The following NAXD variants were observed in gnomAD, a reference collection of about 807,000 sequenced individuals.
NAXD encodes the protein ATP-dependent (S)-NAD(P)H-hydrate dehydratase.
Under a neutral mutation model 35.8 loss-of-function variants are expected in NAXD, and 22 were observed. The ratio of observed to expected loss-of-function variants is 0.62; its 90% CI spans 0.44 to 0.88. The LOEUF (loss-of-function observed/expected upper bound fraction) is 0.88. Among genes scored for constraint, NAXD ranks in the 40% least tolerant of loss-of-function variants. NAXD has a pLI of 0.00. For missense variants in NAXD, 428 were observed against 437.7 expected (o/e 0.98, Z 0.20); for synonymous variants, 189 against 177.6 (o/e 1.06, Z -0.51).
At chr13:110,625,158 C>G (rs758467941) in intron 3 of NAXD, 32 bp from the exon 4 acceptor site, 1 of 1,564,072 alleles carries the variant, frequency 6.4e-7, no homozygotes, top group South Asian at 1.1e-5. Context: ...CCGGAGCGAT[C>G]CCTGAGTCGG....
At chr13:110,629,890 CTGT>C (rs939785026) in intron 5 of NAXD, among the ~76,000 whole-genome samples, 2 of 152,198 alleles carry the variant, frequency 1.3e-5, no homozygotes, top group Non-Finnish European at 1.5e-5. Context: ...GCACTTGTTA[CTGT>C]TGTTGTCTAC....
rs1887097886 is a variant in NAXD at position 110,639,598 on chromosome 13, CTGACGTTGA to C, written c.*1071_*1079del. 1 of 152,216 alleles carries C rather than the reference CTGACGTTGA, an allele frequency of 6.6e-6. No homozygotes were observed. The highest frequency in any genetic ancestry group is 1.5e-5 in the Non-Finnish European group (1 of 68,064). 9.4% of individuals were successfully genotyped at this position (152,216 alleles called of 1,614,324 possible). A position where few individuals can be genotyped will look rare whatever the true frequency, so the allele number is the denominator to read the frequency against. On this transcript the variant is annotated 3_prime_UTR_variant, in exon 10 of 10. Transcript: ENST00000680254. ...TTGTGGATGGTTTTCCTGGAGCGGCCTGACGTTGACGTGTTCTCTGGTCCCATGTCTTAG... is the reference window on the plus strand; with the variant it reads ...TTGTGGATGGTTTTCCTGGAGCGGCCCGTGTTCTCTGGTCCCATGTCTTAG...
In NAXD at chr13:110,634,726, G is replaced by A. The variant is rs765913390; in HGVS notation, c.547G>A (p.Ala183Thr). The A allele has an allele frequency of 6.2e-7, 1 of 1,614,130 alleles. No homozygotes were observed. The highest frequency in any genetic ancestry group is 8.5e-7 in the Non-Finnish European group (1 of 1,180,030). Residue 183 changes from alanine to threonine, a missense_variant, in exon 7 of 10, where the codon GCT becomes ACT. Ala to Thr is a moderately conservative substitution (Grantham distance 58, BLOSUM62 0). This residue lies in a region of NAXD where 209 missense variants were observed against 214.6 expected (regional missense o/e 0.97). Coordinates refer to ENST00000680254, the MANE Select transcript of NAXD (RefSeq NM_001242882.2). ...QPALIHGYRK[A>T]VLTPNHVEFS... ...GGCCCTCATCCATGGCTACCGGAAG[G>A]CTGTGCTCACTCCCAACCACGTGGA...
chr13:110,618,300 A>G (rs1175940289), intron 1 of NAXD, among the ~76,000 whole-genome samples: 1 of 152,222 alleles, frequency 6.6e-6, no homozygotes, highest in Non-Finnish European at 1.5e-5. Context: ...TCTTAGACCC[A>G]GCCCTTACGG....
Position 110,639,928 on chromosome 13 carries a change from C to T in NAXD, c.*1400C>T, listed in dbSNP as rs747292718. On this transcript the variant is annotated 3_prime_UTR_variant, in exon 10 of 10. Transcript: ENST00000680254. ...TTTTCCAGAAAAACTGTGCCATGGA[C>T]ATTTTTCCTCTGGGGAATTAACATC... 6.6e-6 allele frequency: 1 copy of T among 152,208 alleles called. No individual in the cohort carries two copies. The highest frequency in any genetic ancestry group is 1.5e-5 in the Non-Finnish European group (1 of 68,034). 9.4% of individuals were successfully genotyped at this position (152,208 alleles called of 1,614,324 possible).
intron 5 of NAXD, among the ~76,000 whole-genome samples, chr13:110,633,013 C>T (rs752704322): frequency 3.5e-4 from 53 of 152,364 alleles, no homozygotes; most frequent in Non-Finnish European, 5.7e-4. Context: ...GCCTGCCAGT[C>T]CTGCGCCGTG....
Position 110,638,332 on chromosome 13 carries a change from C to T in NAXD, c.840-46C>T. Reference sequence around the variant, plus strand: ...CCCAGGGTAGCTGCGGCCCCCGGACCACGACGCCCACTTCCCCACACCTCC... The same window carrying T: ...CCCAGGGTAGCTGCGGCCCCCGGACTACGACGCCCACTTCCCCACACCTCC... On this transcript the variant is annotated intron_variant, in intron 9 of 9. Coordinates refer to ENST00000680254, the MANE Select transcript of NAXD (RefSeq NM_001242882.2). This position sits in a 1 kb window ranked among gnomAD's most constrained non-coding sequence, Gnocchi z 5.4. 1.2e-6 allele frequency: 2 copies of T among 1,613,536 alleles called. No individual in the cohort carries two copies. Among genetic ancestry groups the T allele is most frequent in the Non-Finnish European group, 1.7e-6 (2 of 1,179,782 alleles).
In NAXD at chr13:110,624,654, T is replaced by G. The variant is rs538786044; in HGVS notation, c.243+375T>G. On this transcript the variant is annotated intron_variant, in intron 3 of 9. Coordinates refer to ENST00000680254, the MANE Select transcript of NAXD (RefSeq NM_001242882.2). ...TGTTTGTATTTTTAGTAGAGTCAGG[T>G]TTTCTCTCTGTTGGTCAGGCTGGTC... 1.5e-3 allele frequency among the ~76,000 whole-genome samples: 224 copies of G among 152,144 alleles called. 2 individuals carry two copies. Among genetic ancestry groups the G allele is most frequent in the African/African-American group, 5.2e-3 (216 of 41,508 alleles).
chr13:110,632,853 GCACTCACAAACCCTGAGC>G (rs1886761990), intron 5 of NAXD, among the ~76,000 whole-genome samples: 1 of 131,492 alleles, frequency 7.6e-6, no homozygotes, highest in Non-Finnish European at 1.7e-5. Flanking sequence ...GCTGATTGGT[GCACTCACAAACCCTGAGC>G]TAGACACAGG....
rs938601525 is a variant in NAXD at position 110,639,924 on chromosome 13, T to C, written c.*1396T>C. On this transcript the variant is annotated 3_prime_UTR_variant, in exon 10 of 10. Coordinates refer to ENST00000680254, the MANE Select transcript of NAXD (RefSeq NM_001242882.2). ...GAACTTTTCCAGAAAAACTGTGCCA[T>C]GGACATTTTTCCTCTGGGGAATTAA... 5.3e-5 allele frequency: 8 copies of C among 152,376 alleles called. No individual in the cohort carries two copies. The highest frequency in any genetic ancestry group is 1.4e-4 in the African/African-American group (6 of 41,600). 9.4% of individuals were successfully genotyped at this position (152,376 alleles called of 1,614,324 possible). A position where few individuals can be genotyped will look rare whatever the true frequency, so the allele number is the denominator to read the frequency against.
In NAXD at chr13:110,625,144, G is replaced by A. The variant is rs202192460; in HGVS notation, c.244-46G>A. The stretch of plus-strand genomic sequence containing the variant: ...CGCCTGTGTCTGGCGGGTGGGCAGC[G>A]ATGCCGGAGCGATCCCTGAGTCGGC... On this transcript the variant is annotated intron_variant, in intron 3 of 9. Coordinates refer to ENST00000680254, the MANE Select transcript of NAXD (RefSeq NM_001242882.2). 104 of 1,447,416 alleles carry A rather than the reference G, an allele frequency of 7.2e-5. No individual in the cohort carries two copies. In the African/African-American group the frequency reaches 1.2e-3, roughly 17 times the overall value. The allele number at this position is 1,447,416 out of a possible 1,614,324, so 89.7% of individuals were successfully genotyped here.
At chr13:110,627,639 G>A (rs1886543091) in intron 5 of NAXD, 92 bp downstream of exon 5, 1 of 838,472 alleles carries the variant, frequency 1.2e-6, no homozygotes, top group Admixed American at 2.0e-5. Flanking sequence ...TTTGTGTAGT[G>A]TTCCGTGTGC....
chr13:110,617,571 G>A (rs72661634), intron 1 of NAXD, among the ~76,000 whole-genome samples: 2,134 of 152,326 alleles, frequency 0.014, 30 homozygotes, highest in South Asian at 0.023. Context: ...GCTAACAGAA[G>A]CTGTTTATCT....
rs1887048492 is a variant in NAXD, at chr13:110,638,813, G to A, written c.*285G>A. On this transcript the variant is annotated 3_prime_UTR_variant, in exon 10 of 10. Coordinates refer to ENST00000680254, the MANE Select transcript of NAXD (RefSeq NM_001242882.2). This position sits in a 1 kb window ranked among gnomAD's most constrained non-coding sequence, Gnocchi z 5.4. ...AAGACAGAAATGAAGAAAATCACAT[G>A]AGAATGAAGAATTCTTTAGCAGCTC... 2 of 572,732 alleles carry A rather than the reference G, an allele frequency of 3.5e-6. No homozygotes were observed. Among genetic ancestry groups the A allele is most frequent in the South Asian group, 3.5e-5 (2 of 57,106 alleles). The allele number at this position is 572,732 out of a possible 1,614,324, so 35.5% of individuals were successfully genotyped here.
At chr13:110,625,798 G>A (rs570398177) in intron 4 of NAXD, among the ~76,000 whole-genome samples, 2 of 152,370 alleles carry the variant, frequency 1.3e-5, no homozygotes, top group South Asian at 2.1e-4. Context: ...TGGCTGGGAG[G>A]TGCGGGAGCA....
intron 5 of NAXD, among the ~76,000 whole-genome samples, chr13:110,632,338 A>T (rs956455084): frequency 1.3e-5 from 2 of 152,182 alleles, no homozygotes; most frequent in African/African-American, 2.4e-5. Flanking sequence ...TGTGGACCCA[A>T]AGAGTGAGCA....
chr13:110,637,220 G>T lies in NAXD; in HGVS notation c.810G>T (p.Ala270=), dbSNP rs374886391. The stretch of plus-strand genomic sequence containing the variant: ...CCCTGGGCGTCCTGGTACACTGGGC[G>T]CTCCTTGCTGGACCACAGAAAACAA... The part of the protein sequence containing the change: ...SGSLGVLVHW[A]LLAGPQKTNG... Residue 270 remains alanine, a synonymous_variant, in exon 9 of 10, where the codon GCG becomes GCT. Transcript: ENST00000680254. 6.8e-6 allele frequency: 11 copies of T among 1,613,862 alleles called. No individual in the cohort carries two copies. The highest frequency in any genetic ancestry group is 5.9e-6 in the Non-Finnish European group (7 of 1,179,954).
At chr13:110,633,537 A>G (rs921622000) in intron 5 of NAXD, among the ~76,000 whole-genome samples, 98 of 152,312 alleles carry the variant, frequency 6.4e-4, no homozygotes, top group Non-Finnish European at 1.1e-3. Context: ...GCCCAGGCAG[A>G]GGAGGTGCTG....
chr13:110,627,099 C>T (rs1333499657), intron 4 of NAXD, among the ~76,000 whole-genome samples: 1 of 151,994 alleles, frequency 6.6e-6, no homozygotes, highest in Non-Finnish European at 1.5e-5. Context: ...TGGCCACATG[C>T]AGTGTGGGGC....
Sources: allele counts gnomAD v4.1 joint callset (sites outside exome capture counted in the v4.1 genomes callset), GRCh38; gene constraint gnomAD v4.1.1; regional missense constraint gnomAD v4.1.1; non-coding constraint Gnocchi (gnomAD v3.1); transcripts MANE v1.5; gene names NCBI Gene and HGNC (gene_info 2026-07-23, HGNC 2026-07-21).